The following RABGAP1L variants were observed in gnomAD, a reference collection of about 807,000 sequenced individuals.
RABGAP1L encodes rab GTPase-activating protein 1-like.
Under a neutral mutation model 137.7 loss-of-function variants are expected in RABGAP1L, and 63 were observed. That is an observed-to-expected ratio of 0.46 (90% CI 0.37 to 0.56). The LOEUF is 0.56. Among genes scored for constraint, RABGAP1L ranks in the 20% least tolerant of loss-of-function variants. RABGAP1L has a pLI of 0.00. For synonymous variants in RABGAP1L, 431 were observed against 433.7 expected, an observed-to-expected ratio of 0.99 and a Z score of 0.08; for missense variants, 1,095 against 1,244.0, an observed-to-expected ratio of 0.88 and a Z score of 1.80.
chr1:174,876,285 A>AAGGGCT (rs1392871217), intron 19 of RABGAP1L, among the ~76,000 whole-genome samples: 1 of 152,056 alleles, frequency 6.6e-6, no homozygotes, highest in Non-Finnish European at 1.5e-5. Context: ...ATTTCTTTTG[A>AAGGGCT]TTTTAGACGA....
At chr1:174,802,204 T>A (rs1345063518) in intron 18 of RABGAP1L, among the ~76,000 whole-genome samples, 1 of 152,216 alleles carries the variant, frequency 6.6e-6, no homozygotes, top group Non-Finnish European at 1.5e-5. Flanking sequence ...CTCTGGTTGG[T>A]TGCCAAATTA....
intron 19 of RABGAP1L, among the ~76,000 whole-genome samples, chr1:174,831,472 T>C (rs1470251789): frequency 2.0e-5 from 3 of 148,408 alleles, no homozygotes; most frequent in African/African-American, 4.9e-5. Flanking sequence ...TCTCTGACAC[T>C]GACCAATTGA....
chr1:174,776,827 G>T (rs1686563796), intron 18 of RABGAP1L, among the ~76,000 whole-genome samples: 1 of 152,168 alleles, frequency 6.6e-6, no homozygotes, highest in Non-Finnish European at 1.5e-5. Flanking sequence ...TTAATGAGAG[G>T]TACTTAGGAA....
At chr1:174,620,050 A>C (rs1451213143) in intron 13 of RABGAP1L, among the ~76,000 whole-genome samples, 16 of 152,232 alleles carry the variant, frequency 1.1e-4, no homozygotes, top group Admixed American at 5.2e-4. Flanking sequence ...GAAGGCCATT[A>C]CATAATGGTA....
chr1:174,241,104 G>C (rs1463421986), intron 4 of RABGAP1L, among the ~76,000 whole-genome samples: 1 of 152,142 alleles, frequency 6.6e-6, no homozygotes, highest in Non-Finnish European at 1.5e-5. Context: ...GGGGTCACCT[G>C]TGGTCAGGAG....
chr1:174,861,794 G>A (rs1483220462), intron 19 of RABGAP1L, among the ~76,000 whole-genome samples: 1 of 151,924 alleles, frequency 6.6e-6, no homozygotes, highest in Non-Finnish European at 1.5e-5. Context: ...TTTTTAAATT[G>A]GGTTATTTGG....
rs560959634 is a variant in RABGAP1L, at chr1:174,445,667, T to C, written c.1710+51522T>C. 3.9e-5 allele frequency among the ~76,000 whole-genome samples: 6 copies of C among 152,316 alleles called. No homozygotes were observed. The East Asian group carries it at 5.8e-4, about 15-fold the overall frequency. ...AGAGAAGTTAGTAGTCATATCACTTTAGTTCATGAAGACTTGGCAAATTTT... is the reference window on the plus strand; with the variant it reads ...AGAGAAGTTAGTAGTCATATCACTTCAGTTCATGAAGACTTGGCAAATTTT... On this transcript the variant is annotated intron_variant, in intron 13 of 25. Transcript: ENST00000681986.
chr1:174,867,631 C>G (rs1651504471), intron 19 of RABGAP1L, among the ~76,000 whole-genome samples: 1 of 152,094 alleles, frequency 6.6e-6, no homozygotes, highest in Admixed American at 6.6e-5. Context: ...TCATAACTCT[C>G]ATTTAGTAGT....
intron 4 of RABGAP1L, among the ~76,000 whole-genome samples, chr1:174,232,024 T>A (rs532869674): frequency 1.4e-4 from 21 of 152,318 alleles, no homozygotes; most frequent in African/African-American, 4.6e-4. Flanking sequence ...ACTTGTAATA[T>A]TTATTTCTCT....
intron 17 of RABGAP1L, among the ~76,000 whole-genome samples, chr1:174,730,339 G>A (rs2148619372): frequency 6.6e-6 from 1 of 152,278 alleles, no homozygotes; most frequent in East Asian, 1.9e-4. Flanking sequence ...GTGGGAACAA[G>A]GGTTGACAAG....
In RABGAP1L at chr1:174,811,890, T is replaced by C; in HGVS notation, c.2270T>C (p.Val757Ala). 1 of 1,609,696 alleles carries C rather than the reference T, an allele frequency of 6.2e-7. No homozygotes were observed. The highest frequency in any genetic ancestry group is 8.5e-7 in the Non-Finnish European group (1 of 1,177,612). The change falls in exon 19 of 26, where the codon GTT (valine) becomes GCT (alanine). Residue 757 changes from valine to alanine, a missense_variant. By Grantham distance (64) the Val-to-Ala change is moderately conservative. This residue lies in a region of RABGAP1L where 312 missense variants were observed against 435.6 expected (regional missense o/e 0.72). Transcript: ENST00000681986. ...DFEGALKFFRVQLPKRYRAEE... is the reference protein window; with the variant it reads ...DFEGALKFFRAQLPKRYRAEE... ...GAAGGTGCTTTAAAGTTCTTTAGAG[T>C]TCAGCTTCCAAAGAGATACAGGGCA...
At chr1:174,839,378 T>G (rs918317127) in intron 19 of RABGAP1L, among the ~76,000 whole-genome samples, 1 of 152,208 alleles carries the variant, frequency 6.6e-6, no homozygotes, top group African/African-American at 2.4e-5. Context: ...TTACTGAGTC[T>G]CTATTCTTTG....
chr1:174,310,070 T>G (rs1678677206), intron 11 of RABGAP1L, among the ~76,000 whole-genome samples: 1 of 152,154 alleles, frequency 6.6e-6, no homozygotes, highest in Non-Finnish European at 1.5e-5. Flanking sequence ...GATTTTCTAT[T>G]TCTTGATAAT....
intron 13 of RABGAP1L, among the ~76,000 whole-genome samples, chr1:174,455,829 A>C (rs1655981384): frequency 1.3e-5 from 2 of 152,134 alleles, no homozygotes; most frequent in Admixed American, 1.3e-4. Flanking sequence ...GGTCTATTCT[A>C]AAAGCTTCTG....
At chr1:174,551,027 C>CAT (rs1368167331) in intron 13 of RABGAP1L, among the ~76,000 whole-genome samples, 3 of 98,468 alleles carry the variant, frequency 3.0e-5, no homozygotes, top group Non-Finnish European at 5.6e-5. Context: ...TATATACATA[C>CAT]ACACACACAC....
At chr1:174,552,454 A>G (rs1666611348) in intron 13 of RABGAP1L, among the ~76,000 whole-genome samples, 1 of 152,160 alleles carries the variant, frequency 6.6e-6, no homozygotes, top group Non-Finnish European at 1.5e-5. Context: ...TTAGTTTAGT[A>G]AGGATAATGG....
intron 18 of RABGAP1L, among the ~76,000 whole-genome samples, chr1:174,790,580 G>A (rs1687773869): frequency 6.6e-6 from 1 of 151,412 alleles, no homozygotes; most frequent in Admixed American, 6.6e-5. Context: ...GTTGCAGTGA[G>A]CCAAGATTGC....
intron 16 of RABGAP1L, among the ~76,000 whole-genome samples, chr1:174,701,641 G>C (rs943246652): frequency 6.6e-6 from 1 of 151,984 alleles, no homozygotes; most frequent in South Asian, 2.1e-4. Context: ...TACTTGGAAG[G>C]CTGAGGCAGG....
chr1:174,433,161 G>A (rs1200576176), intron 13 of RABGAP1L, among the ~76,000 whole-genome samples: 3 of 152,106 alleles, frequency 2.0e-5, no homozygotes, highest in Admixed American at 6.6e-5. Flanking sequence ...ATATACCCAA[G>A]GCCTCATAGT....
Sources: allele counts gnomAD v4.1 joint callset (sites outside exome capture counted in the v4.1 genomes callset), GRCh38; gene constraint gnomAD v4.1.1; regional missense constraint gnomAD v4.1.1; transcripts MANE v1.5; gene names NCBI Gene and HGNC (gene_info 2026-07-23, HGNC 2026-07-21).